Variants in CARHSP1 observed in about 807,000 individuals in gnomAD.
CARHSP1 encodes calcium-regulated heat-stable protein 1.
CARHSP1 carries 14 observed loss-of-function variants against 12.5 expected under a neutral mutation model. The observed-to-expected ratio is 1.12, with a 90% CI of 0.74 to 1.75. The LOEUF is 1.75. Among genes scored for constraint, CARHSP1 ranks in the 40% most tolerant of loss-of-function variants. The probability of loss-of-function intolerance (pLI) is 0.00; values close to 1 mark genes in which losing one functional copy is unlikely to be tolerated. For missense variants in CARHSP1, 343 were observed against 201.6 expected (o/e 1.70, Z -4.25); for synonymous variants, 161 against 82.0 (o/e 1.96, Z -5.20).
rs972996529 is a variant in CARHSP1, at chr16:8,859,108, G to C, written c.158+63C>G. 35 of 1,459,570 alleles carry C rather than the reference G, an allele frequency of 2.4e-5. No homozygotes were observed. The Middle Eastern group carries it at 6.5e-4, about 27-fold the overall frequency. 90.4% of individuals were successfully genotyped at this position (1,459,570 alleles called of 1,614,324 possible). The stretch of plus-strand genomic sequence containing the variant: ...GCCCAAAAATGGCCAGAGACACAGT[G>C]AATCTCTGGCCTCAGGCAAGAGATC... On this transcript the variant is annotated intron_variant, in intron 2 of 3. Transcript: ENST00000311052.
chr16:8,858,272 T>C lies in CARHSP1; in HGVS notation c.281+78A>G, dbSNP rs1343847649. ...TCCTCACACCCAGCGCCCATCAGAG[T>C]CACACACCATCCCCACCTCCACAGG... On this transcript the variant is annotated intron_variant, in intron 3 of 3. Transcript: ENST00000311052. 8.4e-6 allele frequency: 13 copies of C among 1,541,572 alleles called. No homozygotes were observed. The East Asian group carries it at 3.0e-4, about 35-fold the overall frequency.
At chr16:8,856,731 C>G (rs1178714593) in intron 3 of CARHSP1, among the ~76,000 whole-genome samples, 1 of 152,116 alleles carries the variant, frequency 6.6e-6, no homozygotes, top group Non-Finnish European at 1.5e-5. Context: ...ACTCTGTCTG[C>G]CCCTGCCTGA....
intron 1 of CARHSP1, chr16:8,860,314 T>C: frequency 1.0e-6 from 1 of 985,090 alleles, no homozygotes; most frequent in Non-Finnish European, 1.2e-6. Flanking sequence ...ACCACGCTGT[T>C]ATGAAATCAA....
chr16:8,868,928 G>T (rs1215284376), intron 1 of CARHSP1, 38 bp downstream of exon 1: 1 of 152,022 alleles, frequency 6.6e-6, no homozygotes, highest in Non-Finnish European at 1.5e-5. Context: ...CGCGGGCCAG[G>T]GGCGCCTATC....
intron 3 of CARHSP1, among the ~76,000 whole-genome samples, chr16:8,855,552 G>A (rs1184194211): frequency 6.6e-6 from 1 of 152,162 alleles, no homozygotes; most frequent in Non-Finnish European, 1.5e-5. Context: ...TCCTTCCCTG[G>A]GACTTTTGAT....
chr16:8,855,760 C>A (rs1446577534), intron 3 of CARHSP1, among the ~76,000 whole-genome samples: 1 of 152,214 alleles, frequency 6.6e-6, no homozygotes, highest in Non-Finnish European at 1.5e-5. Context: ...CTCAGCACTG[C>A]AGCCCCTGGT....
At chr16:8,862,798 G>A (rs1276642106) in intron 1 of CARHSP1, among the ~76,000 whole-genome samples, 2 of 152,124 alleles carry the variant, frequency 1.3e-5, no homozygotes, top group African/African-American at 2.4e-5. Context: ...GCCCGCTCAG[G>A]AATCATGCCG....
intron 3 of CARHSP1, among the ~76,000 whole-genome samples, chr16:8,856,166 C>G (rs1042192755): frequency 6.6e-6 from 1 of 152,168 alleles, no homozygotes; most frequent in African/African-American, 2.4e-5. Flanking sequence ...CTGGAGGGGC[C>G]TCTCCCTGTG....
At chr16:8,858,285 C>G in intron 3 of CARHSP1, 65 bp downstream of exon 3, 1 of 1,576,312 alleles carries the variant, frequency 6.3e-7, no homozygotes, top group Non-Finnish European at 8.6e-7. Flanking sequence ...CACACCATCC[C>G]CACCTCCACA....
At chr16:8,864,699 A>G (rs1301937207) in intron 1 of CARHSP1, among the ~76,000 whole-genome samples, 3 of 152,142 alleles carry the variant, frequency 2.0e-5, no homozygotes, top group Non-Finnish European at 2.9e-5. Context: ...CCAGGCTCTG[A>G]TGAGTGCCCG....
At chr16:8,860,244 G>C in intron 1 of CARHSP1, 1 of 983,540 alleles carries the variant, frequency 1.0e-6, no homozygotes, top group Non-Finnish European at 1.2e-6. Context: ...GGGAAAGGGA[G>C]AATTTCCAAG....
intron 1 of CARHSP1, among the ~76,000 whole-genome samples, chr16:8,862,467 G>A (rs575403236): frequency 3.3e-5 from 5 of 152,098 alleles, no homozygotes; most frequent in African/African-American, 1.2e-4. Context: ...CAGAGACAAA[G>A]GGCTGAACTT....
Position 8,853,645 on chromosome 16 carries a change from G to T in CARHSP1, c.*1519C>A, listed in dbSNP as rs2437703. ...AAGCCAGTTTCCAAAAGGTTTGCTT[G>T]CCTCTGTTCAGTGGATTCTTGACTA... On this transcript the variant is annotated 3_prime_UTR_variant, in exon 4 of 4. Coordinates refer to ENST00000311052, the MANE Select transcript of CARHSP1 (RefSeq NM_014316.4). 1.3e-5 allele frequency: 2 copies of T among 152,204 alleles called. No homozygotes were observed. The highest frequency in any genetic ancestry group is 2.9e-5 in the Non-Finnish European group (2 of 68,052). The allele number at this position is 152,204 out of a possible 1,614,324, so 9.4% of individuals were successfully genotyped here.
At chr16:8,862,023 G>A (rs1208015445) in intron 1 of CARHSP1, among the ~76,000 whole-genome samples, 2 of 56,168 alleles carry the variant, frequency 3.6e-5, no homozygotes, top group African/African-American at 9.0e-5. Context: ...TTTTTAATTT[G>A]AGATGGAGTC....
rs1363309457 is a variant in CARHSP1, at chr16:8,853,689, C to T, written c.*1475G>A. 1 of 152,116 alleles carries T rather than the reference C, an allele frequency of 6.6e-6. No individual in the cohort carries two copies. 9.4% of individuals were successfully genotyped at this position (152,116 alleles called of 1,614,324 possible). A position where few individuals can be genotyped will look rare whatever the true frequency, so the allele number is the denominator to read the frequency against. ...TTGACTACATATAGGTCATATATTT[C>T]AAAAAATAATGCCTAGCTATTTCTA... On this transcript the variant is annotated 3_prime_UTR_variant, in exon 4 of 4. Coordinates refer to ENST00000311052, the MANE Select transcript of CARHSP1 (RefSeq NM_014316.4).
Position 8,858,884 on chromosome 16 carries a change from C to A in CARHSP1, c.158+287G>T, listed in dbSNP as rs1432208944. The A allele has an allele frequency of 9.5e-6, 4 of 422,344 alleles. No homozygotes were observed. The Admixed American group carries it at 1.2e-4, about 13-fold the overall frequency. The allele number at this position is 422,344 out of a possible 1,614,324, so 26.2% of individuals were successfully genotyped here. On this transcript the variant is annotated intron_variant, in intron 2 of 3. Coordinates refer to ENST00000311052, the MANE Select transcript of CARHSP1 (RefSeq NM_014316.4). ...TTTGCAGCTGCAGAATTCACAGTCT[C>A]ACAGGGAACCAGACTCTCATGTGTG...
Position 8,859,166 on chromosome 16 carries a change from C to A in CARHSP1, c.158+5G>T. On this transcript the variant is annotated splice_donor_5th_base_variant and intron_variant, in intron 2 of 3. Coordinates refer to ENST00000311052, the MANE Select transcript of CARHSP1 (RefSeq NM_014316.4). Reference sequence around the variant, plus strand: ...GAACGCGTCCCCAGCCTGCTCCAGACTCACGCCGAGAAGGTCCTCGTCCGG... The same window carrying A: ...GAACGCGTCCCCAGCCTGCTCCAGAATCACGCCGAGAAGGTCCTCGTCCGG... 6.3e-7 allele frequency: 1 copy of A among 1,594,570 alleles called. No homozygotes were observed. Among genetic ancestry groups the A allele is most frequent in the Non-Finnish European group, 8.6e-7 (1 of 1,168,368 alleles).
rs746651185 is a variant in CARHSP1, at chr16:8,859,225, C to G, written c.104G>C (p.Arg35Pro). 3 of 1,601,130 alleles carry G rather than the reference C, an allele frequency of 1.9e-6. No homozygotes were observed. The highest frequency in any genetic ancestry group is 1.4e-5 in the African/African-American group (1 of 71,968). Residue 35 changes from arginine to proline, a missense_variant, in exon 2 of 4, where the codon CGG becomes CCG. Physicochemically the swap from Arg to Pro is moderately radical, Grantham distance 103. Coordinates refer to ENST00000311052, the MANE Select transcript of CARHSP1 (RefSeq NM_014316.4). The part of the protein sequence containing the change: ...RSRERSPSPL[R>P]GNVVPSPLPT... ...CAGTGGGCTTGGGACCACGTTGCCC[C>G]GCAGAGGGGATGGTGAGCGCTCACG...
At chr16:8,858,567 C>T in intron 2 of CARHSP1, 95 bp from the exon 3 acceptor site, 1 of 1,496,748 alleles carries the variant, frequency 6.7e-7, no homozygotes, top group Non-Finnish European at 9.0e-7. Flanking sequence ...CCCATCAAGC[C>T]CTGGCCAGGA....
Sources: allele counts gnomAD v4.1 joint callset (sites outside exome capture counted in the v4.1 genomes callset), GRCh38; gene constraint gnomAD v4.1.1; transcripts MANE v1.5; gene names NCBI Gene and HGNC (gene_info 2026-07-23, HGNC 2026-07-21).